The following ZBTB20 variants were observed in gnomAD, a reference collection of about 807,000 sequenced individuals.
ZBTB20 encodes zinc finger and BTB domain containing 20.
Under a neutral mutation model 56.9 loss-of-function variants are expected in ZBTB20, and 9 were observed. The ratio of observed to expected loss-of-function variants is 0.16; its 90% CI spans 0.10 to 0.28. The LOEUF (loss-of-function observed/expected upper bound fraction) is 0.28, where lower values mean the gene tolerates loss of function less well. Among genes scored for constraint, ZBTB20 ranks in the 10% least tolerant of loss-of-function variants. The probability of loss-of-function intolerance (pLI) is 1.00; values close to 1 mark genes in which losing one functional copy is unlikely to be tolerated. For missense variants in ZBTB20, 655 were observed against 1,003.0 expected (o/e 0.65, Z 4.69); for synonymous variants, 417 against 420.7 (o/e 0.99, Z 0.11).
intron 3 of ZBTB20, among the ~76,000 whole-genome samples, chr3:114,904,879 C>A (rs1029663332): frequency 1.3e-5 from 2 of 151,994 alleles, no homozygotes; most frequent in Admixed American, 6.6e-5. Context: ...GTTAACCCAA[C>A]GGCACAGTTG....
At chr3:114,364,065 AT>A (rs35063843) in intron 10 of ZBTB20, among the ~76,000 whole-genome samples, 2 of 150,508 alleles carry the variant, frequency 1.3e-5, no homozygotes, top group African/African-American at 4.9e-5. Flanking sequence ...TCACTGTAAT[AT>A]TTTTTTTTTC....
chr3:114,829,238 C>T (rs1470386718), intron 4 of ZBTB20, among the ~76,000 whole-genome samples: 1 of 151,830 alleles, frequency 6.6e-6, no homozygotes, highest in Admixed American at 6.6e-5. Context: ...GCTTAAATCA[C>T]TCTATGAAGA....
intron 6 of ZBTB20, among the ~76,000 whole-genome samples, chr3:114,558,117 T>C (rs191651720): frequency 6.2e-4 from 94 of 152,164 alleles, no homozygotes; most frequent in Non-Finnish European, 1.0e-3. Flanking sequence ...GTGTAGTAAT[T>C]TCTGGGAACT....
chr3:114,607,301 TCA>T lies in ZBTB20; in HGVS notation c.-295+86225_-295+86226del, dbSNP rs1403944305. Reference sequence around the variant, plus strand: ...CTAGAAAAAGCATAAAACTGTTCATTCATTTTTTTTTTTTTTTTGAGACAGAG... The same window carrying T: ...CTAGAAAAAGCATAAAACTGTTCATTTTTTTTTTTTTTTTTTGAGACAGAG... On this transcript the variant is annotated intron_variant, in intron 6 of 11. Transcript: ENST00000675478. 1.6e-3 allele frequency among the ~76,000 whole-genome samples: 136 copies of T among 85,788 alleles called. 1 individual carries two copies. Among genetic ancestry groups the T allele is most frequent in the African/African-American group, 6.2e-3 (134 of 21,584 alleles). The allele number at this position is 85,788 out of a possible 152,430, so 56.3% of individuals were successfully genotyped here.
intron 1 of ZBTB20, among the ~76,000 whole-genome samples, chr3:115,118,795 A>T (rs1022320876): frequency 7.5e-6 from 1 of 133,662 alleles, no homozygotes; most frequent in Non-Finnish European, 1.5e-5. Context: ...ATCTCCACTC[A>T]CTGCAAGCTC....
chr3:114,999,697 C>T (rs1289046136), intron 2 of ZBTB20, among the ~76,000 whole-genome samples: 1 of 151,536 alleles, frequency 6.6e-6, no homozygotes, highest in Admixed American at 6.6e-5. Context: ...TGTTCTCTTT[C>T]CCATAAAGAA....
intron 6 of ZBTB20, among the ~76,000 whole-genome samples, chr3:114,591,717 A>T (rs1178271241): frequency 6.6e-6 from 1 of 152,216 alleles, no homozygotes; most frequent in Non-Finnish European, 1.5e-5. Context: ...AAAACTAACA[A>T]TAACTTTTAT....
In ZBTB20 at chr3:114,863,459, C is replaced by T. The variant is rs185880796; in HGVS notation, c.-417+36845G>A. On this transcript the variant is annotated intron_variant, in intron 4 of 11. Coordinates refer to ENST00000675478, the MANE Select transcript of ZBTB20 (RefSeq NM_001348800.3). ...ACAATAAAAAAGAAATAAAGAAGGG[C>T]ACAAAGTATTAGAAGATAAATTATC... Among the ~76,000 whole-genome samples, 33 of 152,116 alleles carry T rather than the reference C, an allele frequency of 2.2e-4. No homozygotes were observed. The East Asian group carries it at 5.0e-3, about 23-fold the overall frequency.
intron 2 of ZBTB20, among the ~76,000 whole-genome samples, chr3:114,989,746 C>T (rs924448804): frequency 2.0e-5 from 3 of 151,986 alleles, no homozygotes; most frequent in African/African-American, 7.3e-5. Context: ...ATGGAATGTT[C>T]TTCCATTTGT....
intron 4 of ZBTB20, among the ~76,000 whole-genome samples, chr3:114,831,351 T>A (rs919505189): frequency 6.6e-6 from 1 of 151,878 alleles, no homozygotes; most frequent in Non-Finnish European, 1.5e-5. Context: ...AATGGCTCGA[T>A]TTCCTTGGTG....
intron 6 of ZBTB20, among the ~76,000 whole-genome samples, chr3:114,548,803 G>A (rs1335750385): frequency 6.6e-6 from 1 of 152,154 alleles, no homozygotes; most frequent in African/African-American, 2.4e-5. Flanking sequence ...ACATGCGTGA[G>A]CCACCACACT....
At chr3:114,976,089 A>G (rs926951214) in intron 2 of ZBTB20, among the ~76,000 whole-genome samples, 26 of 152,216 alleles carry the variant, frequency 1.7e-4, no homozygotes, top group Non-Finnish European at 4.4e-5. Flanking sequence ...AACTTCTACA[A>G]TGCATTCTTT....
intron 6 of ZBTB20, among the ~76,000 whole-genome samples, chr3:114,675,961 C>CACA (rs10624432): frequency 0.93 from 141,629 of 151,838 alleles, 66,909 homozygotes; most frequent in East Asian, 1. Flanking sequence ...GCTAAATCTT[C>CACA]ACAACTCTAC....
chr3:115,035,091 A>T (rs993358451), intron 2 of ZBTB20, among the ~76,000 whole-genome samples: 48 of 152,126 alleles, frequency 3.2e-4, no homozygotes, highest in African/African-American at 1.1e-3. Flanking sequence ...TAAGCTTTAA[A>T]TATAAGATCT....
At chr3:114,513,919 CAAA>C (rs77125827) in intron 6 of ZBTB20, among the ~76,000 whole-genome samples, 2 of 113,680 alleles carry the variant, frequency 1.8e-5, no homozygotes. Context: ...GACAGGGAGA[CAAA>C]AAAAAAAAAG....
At chr3:114,897,000 G>T (rs1015236133) in intron 4 of ZBTB20, among the ~76,000 whole-genome samples, 2 of 152,214 alleles carry the variant, frequency 1.3e-5, no homozygotes, top group East Asian at 3.9e-4. Context: ...AACTGCAGTA[G>T]TGGTGATGGC....
chr3:114,975,103 T>C (rs1346599755), intron 2 of ZBTB20, among the ~76,000 whole-genome samples: 1 of 152,186 alleles, frequency 6.6e-6, no homozygotes, highest in Non-Finnish European at 1.5e-5. Context: ...TGGGTTGCTT[T>C]TAAATTTCTT....
At position 114,472,394 on chromosome 3, in the gene ZBTB20, G is replaced by T. The variant is rs2040233025; in HGVS notation, c.-255+27958C>A. Among the ~76,000 whole-genome samples, 3 of 152,102 alleles carry T rather than the reference G, an allele frequency of 2.0e-5. No homozygotes were observed. The South Asian group carries it at 6.2e-4, about 32-fold the overall frequency. On this transcript the variant is annotated intron_variant, in intron 7 of 11. Coordinates refer to ENST00000675478, the MANE Select transcript of ZBTB20 (RefSeq NM_001348800.3). ...CTCCCTGGGAAAAAGGAAGAAAGAG[G>T]ACATAGGAAGTGAATAAAGAATTGA...
intron 1 of ZBTB20, among the ~76,000 whole-genome samples, chr3:115,085,642 C>T (rs2082957207): frequency 6.6e-6 from 1 of 151,860 alleles, no homozygotes; most frequent in Non-Finnish European, 1.5e-5. Context: ...GCATAATTTC[C>T]AAGACATTAA....
Sources: gnomAD v4.1 joint callset for allele counts (sites outside exome capture counted in the v4.1 genomes callset) on GRCh38, gnomAD v4.1.1 for gene constraint, MANE v1.5 for transcripts, NCBI Gene and HGNC (gene_info 2026-07-23, HGNC 2026-07-21) for gene names.